KIAA1958: variants seen among roughly 807,000 people sequenced by gnomAD.
KIAA1958 encodes the protein KIAA1958.
KIAA1958 carries 14 observed loss-of-function variants against 47.2 expected under a neutral mutation model. That is an observed-to-expected ratio of 0.30 (90% CI 0.20 to 0.46). The LOEUF is 0.46. Ranked by LOEUF, KIAA1958 falls within the 20% of genes least tolerant of loss-of-function variation. The pLI, the probability that KIAA1958 is intolerant of heterozygous loss-of-function variation, is 1.00. For synonymous variants in KIAA1958, 354 were observed against 353.3 expected, an observed-to-expected ratio of 1.00 and a Z score of -0.02; for missense variants, 803 against 909.2, an observed-to-expected ratio of 0.88 and a Z score of 1.50.
chr9:112,497,440 A>G (rs76805787), intron 1 of KIAA1958, among the ~76,000 whole-genome samples: 1,835 of 152,296 alleles, frequency 0.012, 43 homozygotes, highest in African/African-American at 0.041. Flanking sequence ...GCCATCTGCA[A>G]GCCAAGGAGA....
In KIAA1958 at chr9:112,663,845, A is replaced by G. The variant is rs949812885; in HGVS notation, c.*3776A>G. On this transcript the variant is annotated 3_prime_UTR_variant, in exon 4 of 4. Coordinates refer to ENST00000337530, the MANE Select transcript of KIAA1958 (RefSeq NM_133465.4). ...GTTACTTTGATTTTTATTTTAATTCAAGCTTATTAAAAGCATCAAGCATTA... is the reference window on the plus strand; with the variant it reads ...GTTACTTTGATTTTTATTTTAATTCGAGCTTATTAAAAGCATCAAGCATTA... The G allele has an allele frequency of 6.6e-6, 1 of 152,230 alleles. No homozygotes were observed. Among genetic ancestry groups the G allele is most frequent in the Non-Finnish European group, 1.5e-5 (1 of 68,044 alleles). The allele number at this position is 152,230 out of a possible 1,614,324, so 9.4% of individuals were successfully genotyped here.
intron 1 of KIAA1958, among the ~76,000 whole-genome samples, chr9:112,519,443 A>G (rs1198194560): frequency 6.6e-6 from 1 of 152,244 alleles, no homozygotes; most frequent in Admixed American, 6.5e-5. Flanking sequence ...TTATCACCAG[A>G]GCATCACAGG....
intron 2 of KIAA1958, among the ~76,000 whole-genome samples, chr9:112,610,486 A>G (rs1836307998): frequency 6.6e-6 from 1 of 152,150 alleles, no homozygotes; most frequent in Admixed American, 6.5e-5. Context: ...AAGCATAGAT[A>G]TAGAAGACAA....
chr9:112,539,529 GA>G (rs1834906032), intron 1 of KIAA1958, among the ~76,000 whole-genome samples: 1 of 152,130 alleles, frequency 6.6e-6, no homozygotes, highest in South Asian at 2.1e-4. Context: ...GTGGGGTTGG[GA>G]GGGGGTAATT....
chr9:112,506,201 A>G (rs1410525267), intron 1 of KIAA1958, among the ~76,000 whole-genome samples: 1 of 152,174 alleles, frequency 6.6e-6, no homozygotes, highest in African/African-American at 2.4e-5. Context: ...TCACACCTGT[A>G]ATCCCAGCAC....
chr9:112,574,976 C>G lies in KIAA1958; in HGVS notation c.896C>G (p.Thr299Arg), dbSNP rs774853184. Residue 299 changes from threonine (T) to arginine (R), a missense_variant, in exon 2 of 4, where the codon ACA becomes AGA. This residue lies in a region of KIAA1958 where 761 missense variants were observed against 829.3 expected (regional missense o/e 0.92). Transcript: ENST00000337530. Reference protein sequence around the residue: ...LASPNRGPPGTHGTNQQVAMQ... With the variant: ...LASPNRGPPGRHGTNQQVAMQ... ...TCACCAAACAGAGGACCCCCTGGTACACATGGCACCAACCAACAGGTGGCC... is the reference window on the plus strand; with the variant it reads ...TCACCAAACAGAGGACCCCCTGGTAGACATGGCACCAACCAACAGGTGGCC... 13 of 1,614,158 alleles carry G rather than the reference C, an allele frequency of 8.1e-6. No homozygotes were observed. Among genetic ancestry groups the G allele is most frequent in the Non-Finnish European group, 2.5e-6 (3 of 1,180,014 alleles).
intron 3 of KIAA1958, among the ~76,000 whole-genome samples, chr9:112,646,061 C>G (rs1360695494): frequency 6.7e-6 from 1 of 148,484 alleles, no homozygotes; most frequent in Non-Finnish European, 1.5e-5. Flanking sequence ...TTTGGTAAAA[C>G]TGGAGAGAGA....
intron 1 of KIAA1958, among the ~76,000 whole-genome samples, chr9:112,498,301 T>C (rs555551216): frequency 6.6e-6 from 1 of 152,322 alleles, no homozygotes; most frequent in Non-Finnish European, 1.5e-5. Flanking sequence ...GGTTCAGTTG[T>C]TTTTAGAAAC....
chr9:112,619,115 A>G, intron 2 of KIAA1958: 1 of 391,116 alleles, frequency 2.6e-6, no homozygotes, highest in Non-Finnish European at 3.6e-6. Context: ...TAGGCTTAAG[A>G]CAAATGTACT....
intron 1 of KIAA1958, among the ~76,000 whole-genome samples, chr9:112,511,637 C>G (rs1216002616): frequency 6.6e-6 from 1 of 152,032 alleles, no homozygotes; most frequent in Non-Finnish European, 1.5e-5. Context: ...AATTAGAATA[C>G]TAAACAAACA....
intron 1 of KIAA1958, among the ~76,000 whole-genome samples, chr9:112,502,720 G>A (rs371848974): frequency 2.4e-4 from 36 of 152,306 alleles, no homozygotes; most frequent in African/African-American, 8.2e-4. Flanking sequence ...TGTTGTCTGT[G>A]GTTGCTTTTG....
At chr9:112,647,269 G>A (rs1836991744) in intron 3 of KIAA1958, among the ~76,000 whole-genome samples, 1 of 152,142 alleles carries the variant, frequency 6.6e-6, no homozygotes, top group African/African-American at 2.4e-5. Context: ...TTTAAAAAGG[G>A]AAGATGAGCT....
At chr9:112,628,477 A>G (rs1321253654) in intron 2 of KIAA1958, among the ~76,000 whole-genome samples, 1 of 152,228 alleles carries the variant, frequency 6.6e-6, no homozygotes, top group Non-Finnish European at 1.5e-5. Flanking sequence ...AATAAATTTA[A>G]TTATGTGTGG....
chr9:112,581,025 A>G (rs555024817), intron 2 of KIAA1958, among the ~76,000 whole-genome samples: 39 of 152,238 alleles, frequency 2.6e-4, no homozygotes, highest in African/African-American at 9.4e-4. Context: ...GAGCCTGGCC[A>G]CCCGGAGCTT....
chr9:112,628,685 G>A (rs1032466486), intron 2 of KIAA1958, among the ~76,000 whole-genome samples: 35 of 152,072 alleles, frequency 2.3e-4, no homozygotes, highest in Non-Finnish European at 4.7e-4. Context: ...CCTGCTCTTG[G>A]ATTTATTTCC....
intron 1 of KIAA1958, among the ~76,000 whole-genome samples, chr9:112,507,048 T>C (rs1282093161): frequency 6.6e-6 from 1 of 152,238 alleles, no homozygotes. Flanking sequence ...TGCTTCAATA[T>C]TTATGATTTA....
At chr9:112,643,299 G>A (rs1034777029) in intron 2 of KIAA1958, among the ~76,000 whole-genome samples, 5 of 152,186 alleles carry the variant, frequency 3.3e-5, no homozygotes, top group Non-Finnish European at 7.3e-5. Flanking sequence ...CTGGCACAGA[G>A]AGGGTACCTT....
chr9:112,547,796 G>T (rs560100512), intron 1 of KIAA1958, among the ~76,000 whole-genome samples: 2 of 152,140 alleles, frequency 1.3e-5, no homozygotes, highest in South Asian at 2.1e-4. Context: ...TAACTTAACA[G>T]TCTCTGGCAC....
chr9:112,550,666 A>C (rs1835125575), intron 1 of KIAA1958, among the ~76,000 whole-genome samples: 1 of 152,208 alleles, frequency 6.6e-6, no homozygotes, highest in Non-Finnish European at 1.5e-5. Flanking sequence ...TCCCAGTTGA[A>C]TCACATGAGG....
Sources: gnomAD v4.1 joint callset for allele counts (sites outside exome capture counted in the v4.1 genomes callset) on GRCh38, gnomAD v4.1.1 for gene constraint, gnomAD v4.1.1 regional missense constraint, MANE v1.5 for transcripts, NCBI Gene and HGNC (gene_info 2026-07-23, HGNC 2026-07-21) for gene names.